ETF1: variants seen among roughly 807,000 people sequenced by gnomAD.
ETF1 encodes the protein eukaryotic translation termination factor 1.
Under a neutral mutation model 55.1 loss-of-function variants are expected in ETF1, and 4 were observed. The ratio of observed to expected loss-of-function variants is 0.07; its 90% CI spans 0.04 to 0.17. The LOEUF (loss-of-function observed/expected upper bound fraction) is 0.17, where lower values mean the gene tolerates loss of function less well. Among genes scored for constraint, ETF1 ranks in the 10% least tolerant of loss-of-function variants. ETF1 has a pLI of 1.00. For synonymous variants in ETF1, 157 were observed against 182.3 expected (o/e 0.86, Z 1.12); for missense variants, 142 against 523.6 (o/e 0.27, Z 7.11).
intron 2 of ETF1, among the ~76,000 whole-genome samples, chr5:138,521,059 T>C (rs546729320): frequency 6.6e-6 from 1 of 152,146 alleles, no homozygotes; most frequent in South Asian, 2.1e-4. Context: ...TTATTCACAA[T>C]AGCCTAGAGG....
At chr5:138,542,501 C>CGAGTCGGGTGGCAGCACCT in intron 2 of ETF1, 1 of 600,780 alleles carries the variant, frequency 1.7e-6, no homozygotes, top group Non-Finnish European at 2.5e-6. Flanking sequence ...CAATAGCACC[C>CGAGTCGGGTGGCAGCACCT]GAGTCGGGTG....
At chr5:138,535,486 G>A (rs1765883891) in intron 2 of ETF1, among the ~76,000 whole-genome samples, 1 of 151,874 alleles carries the variant, frequency 6.6e-6, no homozygotes, top group African/African-American at 2.4e-5. Flanking sequence ...TTGGGAGGCC[G>A]AGGCGGGCGG....
intron 2 of ETF1, among the ~76,000 whole-genome samples, chr5:138,522,001 C>T (rs960143331): frequency 6.6e-6 from 1 of 152,148 alleles, no homozygotes; most frequent in African/African-American, 2.4e-5. Context: ...TTAGTCACAA[C>T]ATGGATAAAC....
chr5:138,539,392 T>C (rs1348604530), intron 2 of ETF1, among the ~76,000 whole-genome samples: 2 of 152,202 alleles, frequency 1.3e-5, no homozygotes, highest in South Asian at 2.1e-4. Context: ...CCTGTTTTAG[T>C]TCCTTATTCA....
Position 138,508,780 on chromosome 5 carries a change from G to A in ETF1, c.1120C>T (p.Leu374=), listed in dbSNP as rs778609992. 3 of 1,614,114 alleles carry A rather than the reference G, an allele frequency of 1.9e-6. No individual in the cohort carries two copies. Among genetic ancestry groups the A allele is most frequent in the Non-Finnish European group, 2.5e-6 (3 of 1,179,996 alleles). Reference sequence around the variant, plus strand: ...TAGTTGTTAGCAAACCATTCCAACAGGGGCATGCTCTCGATAAGCTCATGT... The same window carrying A: ...TAGTTGTTAGCAAACCATTCCAACAAGGGCATGCTCTCGATAAGCTCATGT... ...QEHELIESMP[L]LEWFANNYKK... The change falls in exon 10 of 11, where the codon CTG becomes TTG. Residue 374 remains leucine (L), a synonymous_variant. Transcript: ENST00000360541.
At chr5:138,543,022 C>T in intron 1 of ETF1, 75 bp downstream of exon 1, 4 of 1,184,820 alleles carry the variant, frequency 3.4e-6, no homozygotes, top group Non-Finnish European at 4.8e-6. Context: ...TCCTCGCCAT[C>T]CCCCAGAGGC....
At chr5:138,514,760 T>C (rs777421632) in intron 4 of ETF1, among the ~76,000 whole-genome samples, 1 of 152,072 alleles carries the variant, frequency 6.6e-6, no homozygotes, top group Admixed American at 6.6e-5. Context: ...CTGAGTTTTA[T>C]GAGGAAAACC....
chr5:138,515,015 A>G (rs111996625), intron 4 of ETF1, among the ~76,000 whole-genome samples: 445 of 152,358 alleles, frequency 2.9e-3, no homozygotes, highest in Non-Finnish European at 5.0e-3. Context: ...GGTGTGAGCC[A>G]CAACACCTGG....
intron 2 of ETF1, among the ~76,000 whole-genome samples, chr5:138,536,543 C>A (rs1459269773): frequency 6.6e-6 from 1 of 152,208 alleles, no homozygotes; most frequent in Non-Finnish European, 1.5e-5. Context: ...TCCTTCTCCC[C>A]CTCACTAAGA....
intron 8 of ETF1, 56 bp downstream of exon 8, chr5:138,510,989 A>ACC (rs1764752543): frequency 6.3e-7 from 1 of 1,582,078 alleles, no homozygotes; most frequent in Non-Finnish European, 8.6e-7. Context: ...CCAAATCTCC[A>ACC]CCCCAGGCTT....
chr5:138,542,622 C>T (rs1766230294), intron 2 of ETF1: 2 of 1,420,778 alleles, frequency 1.4e-6, no homozygotes, highest in African/African-American at 1.5e-5. Flanking sequence ...CCGGGGAGCG[C>T]GGGCCCCTTA....
chr5:138,513,533 A>T (rs201164792), intron 5 of ETF1, 35 bp downstream of exon 5: 9 of 1,535,624 alleles, frequency 5.9e-6, no homozygotes, highest in Admixed American at 1.7e-5. Context: ...TGCTAGACAC[A>T]AAGTAAGTGG....
At chr5:138,537,205 C>T (rs906202685) in intron 2 of ETF1, among the ~76,000 whole-genome samples, 4 of 152,196 alleles carry the variant, frequency 2.6e-5, no homozygotes, top group African/African-American at 9.6e-5. Context: ...CTGTCCTCTT[C>T]CCTTTACTAC....
At chr5:138,530,282 AT>A (rs997877763) in intron 2 of ETF1, among the ~76,000 whole-genome samples, 2 of 150,376 alleles carry the variant, frequency 1.3e-5, no homozygotes, top group East Asian at 2.0e-4. Flanking sequence ...AATATGAAAG[AT>A]TTTTTTTTTC....
Position 138,507,108 on chromosome 5 carries a change from G to T in ETF1, c.*1197C>A, listed in dbSNP as rs755466722. The T allele has an allele frequency of 1.3e-5, 2 of 152,162 alleles. No homozygotes were observed. Among genetic ancestry groups the T allele is most frequent in the Non-Finnish European group, 2.9e-5 (2 of 68,008 alleles). The allele number at this position is 152,162 out of a possible 1,614,324, so 9.4% of individuals were successfully genotyped here. A position where few individuals can be genotyped will look rare whatever the true frequency, so the allele number is the denominator to read the frequency against. ...CCAGCTGTGAAGCATAAGCTTCAGG[G>T]TTTCAGGCCAACTTTTGGATCCAAC... On this transcript the variant is annotated 3_prime_UTR_variant, in exon 11 of 11. Coordinates refer to ENST00000360541, the MANE Select transcript of ETF1 (RefSeq NM_004730.4).
chr5:138,517,388 TA>T (rs777833573), intron 4 of ETF1, among the ~76,000 whole-genome samples, 172 bp downstream of exon 4: 20 of 150,058 alleles, frequency 1.3e-4, no homozygotes, highest in Admixed American at 2.7e-4. Flanking sequence ...AATAAAAAAA[TA>T]AAAATAAAAA....
At chr5:138,542,533 G>C (rs998768406) in intron 2 of ETF1, 1 of 1,004,804 alleles carries the variant, frequency 1.0e-6, no homozygotes, top group African/African-American at 1.7e-5. Flanking sequence ...AGCCCGAAGA[G>C]GGAGGACCTG....
chr5:138,540,417 A>G (rs532636158), intron 2 of ETF1, among the ~76,000 whole-genome samples: 1 of 152,218 alleles, frequency 6.6e-6, no homozygotes, highest in Non-Finnish European at 1.5e-5. Context: ...CAATTCTTCT[A>G]AAGATATTTT....
At chr5:138,519,072 T>A (rs1765131986) in intron 2 of ETF1, 2 of 984,932 alleles carry the variant, frequency 2.0e-6, no homozygotes, top group Non-Finnish European at 2.4e-6. Flanking sequence ...AGTGCTCAAT[T>A]TGATTGAATA....
Sources: allele counts gnomAD v4.1 joint callset (sites outside exome capture counted in the v4.1 genomes callset), GRCh38; gene constraint gnomAD v4.1.1; transcripts MANE v1.5; gene names NCBI Gene and HGNC (gene_info 2026-07-23, HGNC 2026-07-21).